The following PSMG2 variants were observed in gnomAD, a reference collection of about 807,000 sequenced individuals.
The protein encoded by PSMG2 is proteasome assembly chaperone 2, also known as CD40 ligand-activated specific transcript 3.
PSMG2 carries 21 observed loss-of-function variants against 31.5 expected under a neutral mutation model. The ratio of observed to expected loss-of-function variants is 0.67; its 90% CI spans 0.47 to 0.96. The LOEUF (loss-of-function observed/expected upper bound fraction) is 0.96. Ranked by LOEUF, PSMG2 falls within the 40% of genes least tolerant of loss-of-function variation. The pLI, the probability that PSMG2 is intolerant of heterozygous loss-of-function variation, is 0.00. For synonymous variants in PSMG2, 120 were observed against 110.4 expected (o/e 1.09, Z -0.54); for missense variants, 318 against 321.2 (o/e 0.99, Z 0.08).
intron 1 of PSMG2, chr18:12,665,246 C>T (rs1200097514): frequency 5.3e-5 from 8 of 152,004 alleles, no homozygotes. Flanking sequence ...TTAAGTTTTG[C>T]CTTAGTAATT....
At chr18:12,704,263 A>C (rs542058067) in intron 1 of PSMG2, among the ~76,000 whole-genome samples, 1 of 152,238 alleles carries the variant, frequency 6.6e-6, no homozygotes, top group African/African-American at 2.4e-5. Flanking sequence ...AAACAAGTTA[A>C]AGATTTGGGT....
chr18:12,703,297 A>G (rs2040218889), intron 1 of PSMG2, 133 bp downstream of exon 1: 3 of 1,103,398 alleles, frequency 2.7e-6, no homozygotes, highest in Non-Finnish European at 3.8e-6. Flanking sequence ...CGGCCGGAAA[A>G]AACAGGGAGG....
upstream of PSMG2, chr18:12,702,937 C>G: frequency 1.4e-6 from 1 of 728,078 alleles, no homozygotes; most frequent in Non-Finnish European, 2.1e-6. Flanking sequence ...CGGCCTCTTT[C>G]CGCCCTCTGA....
chr18:12,683,501 AG>A (rs1170658392), intron 1 of PSMG2, among the ~76,000 whole-genome samples: 1 of 152,146 alleles, frequency 6.6e-6, no homozygotes, highest in African/African-American at 2.4e-5. Flanking sequence ...AACGGAAATC[AG>A]CACTTTAGGA....
At position 12,712,705 on chromosome 18, in the gene PSMG2, A is replaced by T. The variant is rs2040342597; in HGVS notation, c.233A>T (p.Tyr78Phe). Reference sequence around the variant, plus strand: ...CATTTTCTTCTTGTTTTTATAGTGTATTCATTGCCTTCAAGAAAGCTGGTG... The same window carrying T: ...CATTTTCTTCTTGTTTTTATAGTGTTTTCATTGCCTTCAAGAAAGCTGGTG... ...STELSINAEV[Y>F]SLPSRKLVAL... is the part of the protein sequence containing the mutation. The change falls in exon 3 of 7, where the codon TAT (tyrosine) becomes TTT (phenylalanine). Residue 78 changes from tyrosine to phenylalanine, a missense_variant. Tyr to Phe is a conservative substitution (Grantham distance 22, BLOSUM62 3). Coordinates refer to ENST00000317615, the MANE Select transcript of PSMG2 (RefSeq NM_020232.5). 6.3e-7 allele frequency: 1 copy of T among 1,598,534 alleles called. No individual in the cohort carries two copies. Among genetic ancestry groups the T allele is most frequent in the African/African-American group, 1.3e-5 (1 of 74,688 alleles).
chr18:12,694,871 C>T (rs1330536962), intron 1 of PSMG2, among the ~76,000 whole-genome samples: 3 of 151,772 alleles, frequency 2.0e-5, no homozygotes, highest in East Asian at 1.9e-4. Context: ...CCACCACGCC[C>T]GGCTATTTTT....
Position 12,706,577 on chromosome 18 carries a change from C to G in PSMG2, c.85C>G (p.Gln29Glu). Residue 29 changes from glutamine (Q) to glutamate (E), a missense_variant, in exon 2 of 7, where the codon CAG (glutamine) becomes GAG (glutamate). Transcript: ENST00000317615. ...MPAVSVGNVG[Q>E]LAMDLIISTL... ...AGCAGTATCTGTTGGAAATGTTGGCCAGCTTGCAATGGATCTGATTATTTC... is the reference window on the plus strand; with the variant it reads ...AGCAGTATCTGTTGGAAATGTTGGCGAGCTTGCAATGGATCTGATTATTTC... 1.2e-6 allele frequency: 2 copies of G among 1,613,874 alleles called. No homozygotes were observed. The highest frequency in any genetic ancestry group is 1.7e-6 in the Non-Finnish European group (2 of 1,179,926).
intron 2 of PSMG2, 87 bp downstream of exon 2, chr18:12,706,808 G>A: frequency 7.2e-7 from 1 of 1,391,998 alleles, no homozygotes; most frequent in South Asian, 1.4e-5. Flanking sequence ...TTGTTTTGTA[G>A]CAAATGTTTA....
upstream of PSMG2, chr18:12,699,924 AAAATC>A: frequency 6.6e-7 from 1 of 1,515,350 alleles, no homozygotes; most frequent in Non-Finnish European, 8.9e-7. Context: ...GCAGGAAAAA[AAAATC>A]AAAACAAATT....
chr18:12,709,815 TA>T (rs2145137279), intron 2 of PSMG2, among the ~76,000 whole-genome samples: 1 of 151,924 alleles, frequency 6.6e-6, no homozygotes, highest in East Asian at 1.9e-4. Flanking sequence ...TTTGTATTTT[TA>T]GTAGAGACAG....
rs140566602 is a variant in PSMG2, at chr18:12,674,736, A to G, written c.-37+15963A>G. 845 of 1,613,852 alleles carry G rather than the reference A, an allele frequency of 5.2e-4. 2 individuals are homozygous for G. The highest frequency in any genetic ancestry group is 5.0e-3 in the Middle Eastern group (30 of 6,060). On this transcript the variant is annotated intron_variant, in intron 1 of 6. Coordinates refer to the PSMG2 transcript ENST00000585331. ...GGTAGGAGAGCTGGTCTTCCCAAAC[A>G]GTAGTGAGGCCAAGATCCTATGAGC...
chr18:12,714,390 G>T (rs939042455), intron 3 of PSMG2, among the ~76,000 whole-genome samples: 6 of 151,848 alleles, frequency 4.0e-5, no homozygotes, highest in Non-Finnish European at 5.9e-5. Flanking sequence ...CTTCTCTGCC[G>T]AAATTCATTT....
intron 1 of PSMG2, among the ~76,000 whole-genome samples, chr18:12,674,963 A>C (rs1212461184): frequency 6.6e-6 from 1 of 152,166 alleles, no homozygotes; most frequent in Non-Finnish European, 1.5e-5. Context: ...TTAGAGAAAC[A>C]ACCAAAAAAC....
chr18:12,691,310 A>G (rs1010905593), intron 1 of PSMG2: 2 of 1,193,612 alleles, frequency 1.7e-6, no homozygotes, highest in Non-Finnish European at 1.2e-6. Flanking sequence ...CACACATAAC[A>G]GTAAATCTCA....
At chr18:12,690,465 T>G (rs991522389) in intron 1 of PSMG2, among the ~76,000 whole-genome samples, 1 of 152,040 alleles carries the variant, frequency 6.6e-6, no homozygotes, top group Admixed American at 6.5e-5. Context: ...TTTTGTTGTT[T>G]TTTTTTTTGA....
intron 1 of PSMG2, among the ~76,000 whole-genome samples, chr18:12,696,276 G>A (rs1324574440): frequency 7.9e-5 from 12 of 152,202 alleles, no homozygotes; most frequent in Admixed American, 7.2e-4. Context: ...AGGCCGAGGC[G>A]GGCAGATCAC....
chr18:12,673,225 A>T, intron 1 of PSMG2: 1 of 1,372,940 alleles, frequency 7.3e-7, no homozygotes, highest in East Asian at 2.8e-5. Context: ...AAACATTACC[A>T]GTCAAGTATA....
chr18:12,682,539 A>T (rs571408437), intron 1 of PSMG2, among the ~76,000 whole-genome samples: 202 of 152,176 alleles, frequency 1.3e-3, no homozygotes, highest in African/African-American at 4.4e-3. Context: ...AAAGTTTTTT[A>T]AAAAAAATTA....
chr18:12,659,697 G>T (rs920809510), intron 1 of PSMG2, among the ~76,000 whole-genome samples: 1 of 151,828 alleles, frequency 6.6e-6, no homozygotes, highest in East Asian at 1.9e-4. Context: ...ATTGAAAGAG[G>T]AGAAGAAAGC....
Sources: gnomAD v4.1 joint callset for allele counts (sites outside exome capture counted in the v4.1 genomes callset) on GRCh38, gnomAD v4.1.1 for gene constraint, MANE v1.5 for transcripts, NCBI Gene and HGNC (gene_info 2026-07-23, HGNC 2026-07-21) for gene names.